Variants in ADRA1A observed in about 807,000 individuals in gnomAD.
ADRA1A encodes the protein alpha-1A adrenergic receptor.
A neutral mutation model predicts 29.6 loss-of-function variants in ADRA1A; 31 were observed. That is an observed-to-expected ratio of 1.05 (90% CI 0.79 to 1.41). The LOEUF (loss-of-function observed/expected upper bound fraction) is 1.41. Ranked by LOEUF, ADRA1A falls within the 40% of genes most tolerant of loss-of-function variation. The pLI is 0.00. For missense variants in ADRA1A, 619 were observed against 601.1 expected (o/e 1.03, Z -0.31); for synonymous variants, 311 against 254.3 (o/e 1.22, Z -2.12).
intron 2 of ADRA1A, among the ~76,000 whole-genome samples, chr8:26,812,316 GT>G (rs1301458828): frequency 2.0e-5 from 3 of 152,142 alleles, no homozygotes; most frequent in Non-Finnish European, 4.4e-5. Context: ...TCCATATTCT[GT>G]CAACTCATAA....
At chr8:26,826,951 TAC>T (rs1203004724) in intron 2 of ADRA1A, among the ~76,000 whole-genome samples, 1 of 152,232 alleles carries the variant, frequency 6.6e-6, no homozygotes, top group African/African-American at 2.4e-5. Flanking sequence ...TGAAAAAACT[TAC>T]AGTTACACAG....
intron 2 of ADRA1A, among the ~76,000 whole-genome samples, chr8:26,785,463 A>C (rs1301143216): frequency 6.6e-6 from 1 of 152,224 alleles, no homozygotes; most frequent in African/African-American, 2.4e-5. Flanking sequence ...TCAGGGTTAC[A>C]CAGCCAGTGA....
intron 2 of ADRA1A, among the ~76,000 whole-genome samples, chr8:26,750,575 C>G (rs142851834): frequency 1.3e-5 from 2 of 152,212 alleles, no homozygotes; most frequent in African/African-American, 4.8e-5. Flanking sequence ...TTCCCAAAGG[C>G]CCCACCTCCA....
At chr8:26,845,940 C>T (rs73564025) in intron 2 of ADRA1A, among the ~76,000 whole-genome samples, 726 of 152,180 alleles carry the variant, frequency 4.8e-3, no homozygotes, top group African/African-American at 0.017. Flanking sequence ...CGAGTGATTG[C>T]TAATGGGACC....
chr8:26,859,849 CCT>C (rs1813319278), intron 2 of ADRA1A, among the ~76,000 whole-genome samples: 1 of 151,702 alleles, frequency 6.6e-6, no homozygotes, highest in Non-Finnish European at 1.5e-5. Context: ...CTCACTGCAA[CCT>C]CTGTCTCCCG....
At chr8:26,840,498 T>G (rs1321497328) in intron 2 of ADRA1A, among the ~76,000 whole-genome samples, 4 of 151,978 alleles carry the variant, frequency 2.6e-5, no homozygotes, top group Non-Finnish European at 4.4e-5. Context: ...GTTTGGAAAG[T>G]AAAAGTAAAA....
chr8:26,800,278 G>T (rs1808482107), intron 2 of ADRA1A, among the ~76,000 whole-genome samples: 1 of 151,832 alleles, frequency 6.6e-6, no homozygotes, highest in Non-Finnish European at 1.5e-5. Flanking sequence ...GAGAAAAAAT[G>T]ATCATCATCA....
intron 2 of ADRA1A, among the ~76,000 whole-genome samples, chr8:26,850,498 TTTG>T (rs1401594616): frequency 1.3e-5 from 2 of 152,282 alleles, no homozygotes; most frequent in African/African-American, 2.4e-5. Flanking sequence ...TTATATCTTT[TTTG>T]TTGTTGTTGT....
rs1047905734 is a variant in ADRA1A, at chr8:26,838,172, G to T, written c.883+25915C>A. ...TTTTCAGGCACCAGAAATCTATGTGGTTACTTTCTTTAGTTTATAAGACCA... is the reference window on the plus strand; with the variant it reads ...TTTTCAGGCACCAGAAATCTATGTGTTTACTTTCTTTAGTTTATAAGACCA... On this transcript the variant is annotated intron_variant, in intron 2 of 2. Transcript: ENST00000380573. 1.1e-4 allele frequency among the ~76,000 whole-genome samples: 16 copies of T among 152,262 alleles called. No homozygotes were observed. In the Middle Eastern group the frequency reaches 0.01, roughly 97 times the overall value.
intron 2 of ADRA1A, among the ~76,000 whole-genome samples, chr8:26,819,222 A>C (rs1304315767): frequency 6.6e-6 from 1 of 152,176 alleles, no homozygotes; most frequent in Admixed American, 6.5e-5. Context: ...TCCAGAATTG[A>C]AGGAGAGAGA....
At chr8:26,819,412 A>C (rs1187150827) in intron 2 of ADRA1A, among the ~76,000 whole-genome samples, 2 of 152,098 alleles carry the variant, frequency 1.3e-5, no homozygotes, top group Non-Finnish European at 2.9e-5. Context: ...AAAAGTATTA[A>C]AATATAGCTA....
In ADRA1A at chr8:26,865,200, G is replaced by A. The variant is rs1813817109; in HGVS notation, c.-231C>T. 2 of 1,375,798 alleles carry A rather than the reference G, an allele frequency of 1.5e-6. No homozygotes were observed. Among genetic ancestry groups the A allele is most frequent in the African/African-American group, 1.5e-5 (1 of 68,644 alleles). The allele number at this position is 1,375,798 out of a possible 1,614,324, so 85.2% of individuals were successfully genotyped here. ...CAGGGCATTAAAGACATGGCCAGGG[G>A]CGCGCGGGGCTGCCGGGGACCCTCT... On this transcript the variant is annotated 5_prime_UTR_variant, in exon 2 of 3. Transcript: ENST00000380573. This position sits in a 1 kb window ranked among gnomAD's most constrained non-coding sequence, Gnocchi z 7.6.
chr8:26,862,723 A>G (rs185031253), intron 2 of ADRA1A, among the ~76,000 whole-genome samples: 75 of 152,374 alleles, frequency 4.9e-4, no homozygotes, highest in African/African-American at 1.7e-3. Context: ...ACATTTCTGC[A>G]ATGATAGAAA....
chr8:26,814,380 A>G (rs1809621389), intron 2 of ADRA1A, among the ~76,000 whole-genome samples: 1 of 152,126 alleles, frequency 6.6e-6, no homozygotes, highest in Non-Finnish European at 1.5e-5. Context: ...AGTAGTAGGG[A>G]CTGCAGAATA....
intron 2 of ADRA1A, among the ~76,000 whole-genome samples, chr8:26,784,943 C>T (rs1453119352): frequency 6.6e-6 from 1 of 152,184 alleles, no homozygotes; most frequent in East Asian, 1.9e-4. Flanking sequence ...GGGATACCCA[C>T]TCACTGAGGC....
At chr8:26,847,898 T>TG (rs990394748) in intron 2 of ADRA1A, among the ~76,000 whole-genome samples, 1 of 152,246 alleles carries the variant, frequency 6.6e-6, no homozygotes, top group Admixed American at 6.5e-5. Context: ...CAGGGTTCCC[T>TG]GGCTGCTTCA....
At chr8:26,814,655 T>C (rs758881129) in intron 2 of ADRA1A, among the ~76,000 whole-genome samples, 1 of 152,238 alleles carries the variant, frequency 6.6e-6, no homozygotes, top group Non-Finnish European at 1.5e-5. Context: ...TCATCTGTTT[T>C]ATAATTTTCT....
chr8:26,865,173 G>T lies in ADRA1A; in HGVS notation c.-204C>A. 7.0e-7 allele frequency: 1 copy of T among 1,421,250 alleles called. No individual in the cohort carries two copies. The highest frequency in any genetic ancestry group is 9.2e-7 in the Non-Finnish European group (1 of 1,091,480). The allele number at this position is 1,421,250 out of a possible 1,614,324, so 88.0% of individuals were successfully genotyped here. ...GAACCCTCAGAAGGCCACATGAAGGGGCAGGGCATTAAAGACATGGCCAGG... is the reference window on the plus strand; with the variant it reads ...GAACCCTCAGAAGGCCACATGAAGGTGCAGGGCATTAAAGACATGGCCAGG... On this transcript the variant is annotated 5_prime_UTR_variant, in exon 2 of 3. Transcript: ENST00000380573. This position sits in a 1 kb window ranked among gnomAD's most constrained non-coding sequence, Gnocchi z 7.6.
chr8:26,849,463 CCAAA>C (rs1239386199), intron 2 of ADRA1A, among the ~76,000 whole-genome samples: 3 of 152,164 alleles, frequency 2.0e-5, no homozygotes, highest in Non-Finnish European at 2.9e-5. Flanking sequence ...ACACCCTGCA[CCAAA>C]CAGACAAGAG....
Sources: gnomAD v4.1 joint callset for allele counts (sites outside exome capture counted in the v4.1 genomes callset) on GRCh38, gnomAD v4.1.1 for gene constraint, Gnocchi (gnomAD v3.1) non-coding constraint, MANE v1.5 for transcripts, NCBI Gene and HGNC (gene_info 2026-07-23, HGNC 2026-07-21) for gene names.